PCDH15: variants seen among roughly 807,000 people sequenced by gnomAD.
The protein encoded by PCDH15 is protocadherin-15.
PCDH15 carries 129 observed loss-of-function variants against 178.5 expected under a neutral mutation model. The observed-to-expected ratio is 0.72, with a 90% CI of 0.63 to 0.84. The LOEUF is 0.84. Ranked by LOEUF, PCDH15 falls within the 40% of genes least tolerant of loss-of-function variation. PCDH15 has a pLI of 0.00. For missense variants in PCDH15, 2,230 were observed against 2,099.9 expected (o/e 1.06, Z -1.21); for synonymous variants, 800 against 732.0 (o/e 1.09, Z -1.50).
At chr10:54,964,381 G>C (rs1158795084) in intron 2 of PCDH15, among the ~76,000 whole-genome samples, 1 of 152,164 alleles carries the variant, frequency 6.6e-6, no homozygotes, top group African/African-American at 2.4e-5. Flanking sequence ...GAAAGTAGCA[G>C]TGACTTTAAT....
chr10:55,081,249 T>C (rs1293848398), intron 2 of PCDH15, among the ~76,000 whole-genome samples: 1 of 152,164 alleles, frequency 6.6e-6, no homozygotes, highest in African/African-American at 2.4e-5. Context: ...ATGTTCTAGT[T>C]GACGTATGAT....
chr10:54,647,875 CCT>C (rs1287512707), intron 2 of PCDH15, among the ~76,000 whole-genome samples: 1 of 152,058 alleles, frequency 6.6e-6, no homozygotes, highest in African/African-American at 2.4e-5. Flanking sequence ...TGGGATAGGT[CCT>C]GTTTCTTACT....
chr10:54,855,603 C>A (rs964882842), intron 3 of PCDH15, among the ~76,000 whole-genome samples: 2 of 152,186 alleles, frequency 1.3e-5, no homozygotes, highest in African/African-American at 4.8e-5. Flanking sequence ...GTGAATATCA[C>A]AAATATAGTA....
chr10:54,535,496 G>A (rs529928440), intron 2 of PCDH15, among the ~76,000 whole-genome samples: 1 of 152,092 alleles, frequency 6.6e-6, no homozygotes, highest in South Asian at 2.1e-4. Context: ...GGATCACAAG[G>A]TCAGGAGATC....
chr10:55,476,437 T>G (rs1840063816), intron 2 of PCDH15, among the ~76,000 whole-genome samples: 1 of 152,066 alleles, frequency 6.6e-6, no homozygotes, highest in South Asian at 2.1e-4. Flanking sequence ...CTTCTGATAA[T>G]GTCATTTTTA....
At chr10:54,500,424 A>G (rs1255712977) in intron 3 of PCDH15, among the ~76,000 whole-genome samples, 1 of 152,176 alleles carries the variant, frequency 6.6e-6, no homozygotes, top group Non-Finnish European at 1.5e-5. Flanking sequence ...AAACCTGTAC[A>G]TGTATCCCAT....
intron 2 of PCDH15, among the ~76,000 whole-genome samples, chr10:54,603,591 A>C (rs2092631584): frequency 6.6e-6 from 1 of 151,056 alleles, no homozygotes; most frequent in African/African-American, 2.4e-5. Context: ...CATGCCATTA[A>C]CCCCCAGAAC....
In PCDH15 at chr10:54,331,798, C is replaced by T. The variant is rs563246387; in HGVS notation, c.595-2092G>A. Among the ~76,000 whole-genome samples the T allele has an allele frequency of 8.1e-4, 123 of 152,132 alleles. 2 individuals are homozygous for T. The highest frequency in any genetic ancestry group is 7.9e-3 in the Admixed American group (120 of 15,234). On this transcript the variant is annotated intron_variant, in intron 6 of 37. Coordinates refer to ENST00000644397, the MANE Select transcript of PCDH15 (RefSeq NM_001384140.1). ...CCAAATTAGCTCACATATCTGGTGA[C>T]ATTGTGCCTCAGAGGAGGCTATGTC...
At chr10:54,363,595 C>T (rs963733290) in intron 5 of PCDH15, among the ~76,000 whole-genome samples, 3 of 152,240 alleles carry the variant, frequency 2.0e-5, no homozygotes, top group East Asian at 1.9e-4. Flanking sequence ...TTGATATACA[C>T]ATGCTCTAAT....
At chr10:54,090,979 T>A (rs897426338) in intron 15 of PCDH15, among the ~76,000 whole-genome samples, 1 of 152,158 alleles carries the variant, frequency 6.6e-6, no homozygotes, top group Admixed American at 6.5e-5. Context: ...AATATTAACC[T>A]TTTTGTTGGT....
At chr10:53,994,406 T>C (rs1437489546) in intron 21 of PCDH15, among the ~76,000 whole-genome samples, 1 of 152,202 alleles carries the variant, frequency 6.6e-6, no homozygotes. Flanking sequence ...CTATTTGCAA[T>C]TCTGTCTTTT....
chr10:54,412,790 C>T (rs1018337574), intron 3 of PCDH15, among the ~76,000 whole-genome samples: 4 of 152,130 alleles, frequency 2.6e-5, no homozygotes, highest in Non-Finnish European at 5.9e-5. Flanking sequence ...GGCGTGACCC[C>T]GGCTCACTGC....
intron 2 of PCDH15, among the ~76,000 whole-genome samples, chr10:55,608,550 A>T (rs1843285003): frequency 6.6e-6 from 1 of 151,816 alleles, no homozygotes; most frequent in Non-Finnish European, 1.5e-5. Context: ...TCCATAAGTA[A>T]TTGGTATATA....
At chr10:54,272,213 C>A (rs1225663815) in intron 8 of PCDH15, among the ~76,000 whole-genome samples, 1 of 151,334 alleles carries the variant, frequency 6.6e-6, no homozygotes, top group Non-Finnish European at 1.5e-5. Flanking sequence ...GCATTAAAGG[C>A]ATAAGAGGTA....
At chr10:54,970,711 G>A (rs987007722) in intron 2 of PCDH15, among the ~76,000 whole-genome samples, 1 of 151,944 alleles carries the variant, frequency 6.6e-6, no homozygotes, top group Non-Finnish European at 1.5e-5. Flanking sequence ...ACCCTGGATG[G>A]AATCATCACT....
chr10:53,911,928 C>T (rs540775430), intron 25 of PCDH15, among the ~76,000 whole-genome samples: 2 of 152,268 alleles, frequency 1.3e-5, no homozygotes, highest in East Asian at 3.9e-4. Context: ...AAGAGGGAAT[C>T]CTCCCTAACT....
At chr10:55,270,649 C>T (rs1842420062) in intron 1 of PCDH15, among the ~76,000 whole-genome samples, 2 of 152,084 alleles carry the variant, frequency 1.3e-5, no homozygotes, top group Non-Finnish European at 1.5e-5. Context: ...ACAACAGATG[C>T]TGATGACACT....
chr10:53,822,987 A>G lies in PCDH15; in HGVS notation c.4368-2757T>C, dbSNP rs2076401965. 4 of 1,613,942 alleles carry G rather than the reference A, an allele frequency of 2.5e-6. No individual in the cohort carries two copies. The highest frequency in any genetic ancestry group is 3.4e-6 in the Non-Finnish European group (4 of 1,179,966). ...AACTTTCCTCATCAGCCTCCTGGGT[A>G]AGCTGACTGACTGACTCCACAGCCT... On this transcript the variant is annotated intron_variant, in intron 32 of 37. Transcript: ENST00000644397.
chr10:54,742,607 G>A (rs570427482), intron 1 of PCDH15, among the ~76,000 whole-genome samples: 4 of 152,102 alleles, frequency 2.6e-5, no homozygotes, highest in South Asian at 2.1e-4. Context: ...CACTGATGAC[G>A]TAGAGTGACA....
Sources: gnomAD v4.1 joint callset for allele counts (sites outside exome capture counted in the v4.1 genomes callset) on GRCh38, gnomAD v4.1.1 for gene constraint, MANE v1.5 for transcripts, NCBI Gene and HGNC (gene_info 2026-07-23, HGNC 2026-07-21) for gene names.